Variants in TNRC6A observed in about 807,000 individuals in gnomAD.
TNRC6A encodes the protein trinucleotide repeat containing adaptor 6A.
A neutral mutation model predicts 221.2 loss-of-function variants in TNRC6A; 44 were observed. The observed-to-expected ratio is 0.20, with a 90% confidence interval of 0.16 to 0.26. The LOEUF is 0.26. Among genes scored for constraint, TNRC6A ranks in the 10% least tolerant of loss-of-function variants. TNRC6A has a pLI of 1.00. For synonymous variants in TNRC6A, 847 were observed against 838.5 expected (o/e 1.01, Z -0.18); for missense variants, 2,199 against 2,404.4 (o/e 0.91, Z 1.79).
At chr16:24,750,009 A>G (rs1407262245) in intron 2 of TNRC6A, among the ~76,000 whole-genome samples, 6 of 152,098 alleles carry the variant, frequency 3.9e-5, no homozygotes, top group African/African-American at 1.4e-4. Flanking sequence ...GCATGGTGGC[A>G]GGTACTTGTA....
intron 18 of TNRC6A, among the ~76,000 whole-genome samples, chr16:24,810,908 T>C (rs2058529556): frequency 6.6e-6 from 1 of 152,220 alleles, no homozygotes; most frequent in African/African-American, 2.4e-5. Context: ...GGTAACTCAC[T>C]TAACTCATTC....
chr16:24,638,914 T>C lies in TNRC6A; in HGVS notation n.277-1970T>C, dbSNP rs113043953. ...ATAATAAACTCAGCAGACATCAAAATACTGTTAGGACTTAGGAGGTCAAGT... is the reference window on the plus strand; with the variant it reads ...ATAATAAACTCAGCAGACATCAAAACACTGTTAGGACTTAGGAGGTCAAGT... On this transcript the variant is annotated intron_variant and non_coding_transcript_variant, in intron 1 of 2. Coordinates refer to the TNRC6A transcript ENST00000566108. Among the ~76,000 whole-genome samples, 479 of 152,304 alleles carry C rather than the reference T, an allele frequency of 3.1e-3. 5 individuals are homozygous for C. Among genetic ancestry groups the C allele is most frequent in the African/African-American group, 0.011 (456 of 41,564 alleles).
At chr16:24,675,440 G>A (rs1220689733) in intron 2 of TNRC6A, among the ~76,000 whole-genome samples, 1 of 151,808 alleles carries the variant, frequency 6.6e-6, no homozygotes, top group Non-Finnish European at 1.5e-5. Flanking sequence ...CAGCACTTTG[G>A]GAGGCCGAGG....
intron 1 of TNRC6A, among the ~76,000 whole-genome samples, chr16:24,623,059 C>A (rs1440918893): frequency 1.3e-5 from 2 of 152,134 alleles, no homozygotes; most frequent in African/African-American, 4.8e-5. Flanking sequence ...ACAGAGGAAC[C>A]GCTGTGCGTA....
At chr16:24,691,057 G>T (rs190018424) in intron 2 of TNRC6A, among the ~76,000 whole-genome samples, 246 of 152,046 alleles carry the variant, frequency 1.6e-3, no homozygotes, top group African/African-American at 5.7e-3. Context: ...TGATCCACCC[G>T]CCTCGGCCTC....
In TNRC6A at chr16:24,648,484, A is replaced by T. The variant is rs369823760; in HGVS notation, n.402+7475A>T. On this transcript the variant is annotated intron_variant and non_coding_transcript_variant, in intron 2 of 2. Coordinates refer to the TNRC6A transcript ENST00000566108. The stretch of plus-strand genomic sequence containing the variant: ...ACGGGGTTTCACCGTGTTAGCCAGG[A>T]TGGTCTCGATCTCCTGACCTCATGA... 2.6e-5 allele frequency among the ~76,000 whole-genome samples: 4 copies of T among 151,806 alleles called. No individual in the cohort carries two copies. In the South Asian group the frequency reaches 6.2e-4, roughly 24 times the overall value.
At chr16:24,773,166 C>T (rs2057648776) in intron 4 of TNRC6A, among the ~76,000 whole-genome samples, 1 of 151,962 alleles carries the variant, frequency 6.6e-6, no homozygotes, top group African/African-American at 2.4e-5. Flanking sequence ...GGTGTTTTCC[C>T]CCTTCTTGAG....
Position 24,729,769 on chromosome 16 carries a change from C to G in TNRC6A, c.-73C>G. ...TGGTGCAGCGGCTCGGGCCTCTCCC[C>G]GCGGCGCTGCGGAGGGCTTGAGGCT... is the stretch of plus-strand genomic sequence containing the variant. On this transcript the variant is annotated 5_prime_UTR_variant, in exon 1 of 25. Coordinates refer to ENST00000395799, the MANE Select transcript of TNRC6A (RefSeq NM_014494.4). The G allele has an allele frequency of 7.3e-7, 1 of 1,370,522 alleles. No homozygotes were observed. The highest frequency in any genetic ancestry group is 1.5e-5 in the African/African-American group (1 of 65,040). 84.9% of individuals were successfully genotyped at this position (1,370,522 alleles called of 1,614,324 possible).
At chr16:24,640,497 G>A (rs948918239) in intron 1 of TNRC6A, among the ~76,000 whole-genome samples, 17 of 152,048 alleles carry the variant, frequency 1.1e-4, no homozygotes, top group Admixed American at 8.5e-4. Context: ...GGAAGCTGAG[G>A]CGGGTGGATT....
intron 3 of TNRC6A, among the ~76,000 whole-genome samples, chr16:24,757,692 G>A (rs1170521674): frequency 1.3e-5 from 2 of 152,236 alleles, no homozygotes; most frequent in Admixed American, 6.5e-5. Context: ...TTGGAAGGCA[G>A]TGAAAGCAGA....
intron 7 of TNRC6A, 86 bp from the exon 8 acceptor site, chr16:24,794,458 T>C: frequency 6.9e-7 from 1 of 1,440,294 alleles, no homozygotes; most frequent in South Asian, 1.4e-5. Flanking sequence ...TTAGGTTCTC[T>C]ACCCAATTTT....
intron 4 of TNRC6A, among the ~76,000 whole-genome samples, chr16:24,763,561 G>C (rs1168438808): frequency 6.6e-6 from 1 of 152,130 alleles, no homozygotes; most frequent in Non-Finnish European, 1.5e-5. Context: ...AGGTCATCTT[G>C]AGAAACGAAG....
At chr16:24,822,567 T>C (rs984740510) in intron 23 of TNRC6A, among the ~76,000 whole-genome samples, 1 of 152,060 alleles carries the variant, frequency 6.6e-6, no homozygotes, top group African/African-American at 2.4e-5. Flanking sequence ...ACCTCCCTCC[T>C]CCCTCAGGGA....
chr16:24,654,673 C>T (rs937182435), intron 2 of TNRC6A, among the ~76,000 whole-genome samples: 1 of 151,770 alleles, frequency 6.6e-6, no homozygotes, highest in African/African-American at 2.4e-5. Flanking sequence ...GAGATGAGAT[C>T]GCACCACTGC....
intron 2 of TNRC6A, among the ~76,000 whole-genome samples, chr16:24,643,071 T>C (rs1243679538): frequency 3.7e-5 from 5 of 136,150 alleles, no homozygotes; most frequent in Non-Finnish European, 6.1e-5. Context: ...ATATATATTA[T>C]ATATATATTA....
chr16:24,631,681 A>C lies in TNRC6A; in HGVS notation n.277-9203A>C. 1.3e-5 allele frequency among the ~76,000 whole-genome samples: 2 copies of C among 152,000 alleles called. 1 individual carries two copies. On this transcript the variant is annotated intron_variant and non_coding_transcript_variant, in intron 1 of 2. Coordinates refer to the TNRC6A transcript ENST00000566108. ...TAGCTGCTTGGGAGGCTGAGGCATA[A>C]GAATCACTTGAACCCAGGAGGTGGA...
chr16:24,637,931 C>T (rs918020662), intron 1 of TNRC6A, among the ~76,000 whole-genome samples: 1 of 152,026 alleles, frequency 6.6e-6, no homozygotes, highest in Non-Finnish European at 1.5e-5. Flanking sequence ...ACTACCAGCT[C>T]GCGCCACCAC....
chr16:24,777,846 A>G (rs2151735044), intron 5 of TNRC6A, among the ~76,000 whole-genome samples: 1 of 152,298 alleles, frequency 6.6e-6, no homozygotes, highest in East Asian at 1.9e-4. Context: ...CAAACAGAGG[A>G]AATGCATTCA....
intron 8 of TNRC6A, chr16:24,795,524 T>A (rs1295123706): frequency 5.2e-6 from 1 of 190,664 alleles, no homozygotes; most frequent in Non-Finnish European, 1.1e-5. Flanking sequence ...TGAGAATGAT[T>A]ACCTTTTGAG....
Sources: gnomAD v4.1 joint callset for allele counts (sites outside exome capture counted in the v4.1 genomes callset) on GRCh38, gnomAD v4.1.1 for gene constraint, MANE v1.5 for transcripts, NCBI Gene and HGNC (gene_info 2026-07-23, HGNC 2026-07-21) for gene names.